The following ERC2 variants were observed in gnomAD, a reference collection of about 807,000 sequenced individuals.
ERC2 encodes ERC protein 2.
In ERC2, 42 loss-of-function variants were observed where a neutral mutation model predicts 114.8. The ratio of observed to expected loss-of-function variants is 0.37; its 90% confidence interval spans 0.29 to 0.47. The LOEUF (loss-of-function observed/expected upper bound fraction) is 0.47. Ranked by LOEUF, ERC2 falls within the 20% of genes least tolerant of loss-of-function variation. The pLI is 0.99. For synonymous variants in ERC2, 454 were observed against 425.5 expected (o/e 1.07, Z -0.82); for missense variants, 939 against 1,150.7 (o/e 0.82, Z 2.66).
At chr3:55,747,566 T>C (rs1456861147) in intron 14 of ERC2, among the ~76,000 whole-genome samples, 2 of 152,250 alleles carry the variant, frequency 1.3e-5, no homozygotes, top group East Asian at 3.8e-4. Flanking sequence ...ATAATAGTTC[T>C]GTGTTGGGAA....
chr3:56,018,735 C>A (rs2073489583), intron 8 of ERC2, among the ~76,000 whole-genome samples, 159 bp downstream of exon 8: 1 of 152,156 alleles, frequency 6.6e-6, no homozygotes, highest in Non-Finnish European at 1.5e-5. Flanking sequence ...ATGCCAAGTC[C>A]ACTGAAGAGG....
At chr3:56,447,777 C>G (rs1169778186) in intron 1 of ERC2, among the ~76,000 whole-genome samples, 2 of 151,736 alleles carry the variant, frequency 1.3e-5, no homozygotes, top group South Asian at 2.1e-4. Flanking sequence ...GAGTCTCGCT[C>G]TGCCACCCAG....
intron 2 of ERC2, among the ~76,000 whole-genome samples, chr3:56,296,894 T>C (rs1397382990): frequency 6.6e-6 from 1 of 152,130 alleles, no homozygotes; most frequent in African/African-American, 2.4e-5. Flanking sequence ...AATAATAGCA[T>C]CCACTACAAG....
intron 11 of ERC2, among the ~76,000 whole-genome samples, chr3:55,990,719 A>T (rs2070996181): frequency 6.6e-6 from 1 of 152,158 alleles, no homozygotes; most frequent in South Asian, 2.1e-4. Context: ...TCTGGCCTTG[A>T]TAATTTATTT....
intron 14 of ERC2, among the ~76,000 whole-genome samples, chr3:55,827,644 G>A (rs892121088): frequency 6.6e-6 from 1 of 152,168 alleles, no homozygotes; most frequent in Non-Finnish European, 1.5e-5. Context: ...TGTAAATCAA[G>A]TTGTTGTTTG....
At chr3:55,717,405 C>A (rs2064187224) in intron 15 of ERC2, among the ~76,000 whole-genome samples, 1 of 152,148 alleles carries the variant, frequency 6.6e-6, no homozygotes, top group Admixed American at 6.5e-5. Flanking sequence ...CTTAGCATGT[C>A]CCTGCCAAGG....
chr3:55,846,681 CTCTCTCTCTCTT>C (rs1381705227), intron 14 of ERC2, among the ~76,000 whole-genome samples: 1 of 130,388 alleles, frequency 7.7e-6, no homozygotes, highest in African/African-American at 3.3e-5. Flanking sequence ...CTCTCTCTCT[CTCTCTCTCTCTT>C]TCTCTCTCTC....
intron 2 of ERC2, among the ~76,000 whole-genome samples, chr3:56,337,425 C>T (rs1168200798): frequency 3.9e-5 from 6 of 152,170 alleles, no homozygotes; most frequent in Admixed American, 3.3e-4. Context: ...GGGTATGTAA[C>T]CGTAAGTACT....
intron 17 of ERC2, among the ~76,000 whole-genome samples, chr3:55,666,651 C>T (rs2061366723): frequency 6.6e-6 from 1 of 152,056 alleles, no homozygotes; most frequent in Non-Finnish European, 1.5e-5. Context: ...GGTGGGGTGG[C>T]AGGGATGCTA....
At position 55,601,267 on chromosome 3, in the gene ERC2, G is replaced by A. The variant is rs142441197; in HGVS notation, c.*39+82527C>T. On this transcript the variant is annotated intron_variant, in intron 17 of 17. Coordinates refer to ENST00000288221, the MANE Select transcript of ERC2 (RefSeq NM_015576.3). The stretch of plus-strand genomic sequence containing the variant: ...TGGAACACTCTGAGCCAAACAAAAT[G>A]CCATCTAGGCAGAACTGGCTTATAA... Among the ~76,000 whole-genome samples, 267 of 152,228 alleles carry A rather than the reference G, an allele frequency of 1.8e-3. 2 individuals are homozygous for A. The highest frequency in any genetic ancestry group is 6.2e-3 in the African/African-American group (258 of 41,522).
intron 3 of ERC2, among the ~76,000 whole-genome samples, chr3:56,236,260 C>G (rs2050937794): frequency 6.7e-6 from 1 of 148,702 alleles, no homozygotes; most frequent in African/African-American, 2.4e-5. Context: ...TTTGGAGCTT[C>G]AAATAACATT....
intron 16 of ERC2, among the ~76,000 whole-genome samples, chr3:55,689,600 C>T (rs2062527292): frequency 6.6e-6 from 1 of 152,086 alleles, no homozygotes; most frequent in Admixed American, 6.6e-5. Flanking sequence ...TTTAACATGA[C>T]TCTGGTTCTG....
chr3:56,360,315 T>C (rs1401677461), intron 2 of ERC2, among the ~76,000 whole-genome samples: 1 of 152,040 alleles, frequency 6.6e-6, no homozygotes, highest in East Asian at 1.9e-4. Flanking sequence ...ATTACAAGCA[T>C]GAGCCACCAT....
intron 17 of ERC2, among the ~76,000 whole-genome samples, chr3:55,518,991 C>T (rs1279821108): frequency 6.6e-6 from 1 of 152,190 alleles, no homozygotes; most frequent in Non-Finnish European, 1.5e-5. Context: ...GGAATCTTTG[C>T]GGGTGCCACT....
intron 17 of ERC2, among the ~76,000 whole-genome samples, chr3:55,649,913 C>T (rs1035094221): frequency 4.6e-5 from 7 of 152,274 alleles, no homozygotes; most frequent in East Asian, 1.9e-4. Flanking sequence ...TTTAAATCCA[C>T]GTCGCTGGAA....
In ERC2 at chr3:55,980,794, A is replaced by AT. The variant is rs2070066655; in HGVS notation, c.2267+5182dup. ...AATGATTAACTCTTACCGACTTGGTATCTCTTATTCTGGGTCATGACTTAT... is the reference window on the plus strand; with the variant it reads ...AATGATTAACTCTTACCGACTTGGTATTCTCTTATTCTGGGTCATGACTTAT... On this transcript the variant is annotated intron_variant, in intron 12 of 17. Transcript: ENST00000288221. Among the ~76,000 whole-genome samples, 4 of 152,116 alleles carry AT rather than the reference A, an allele frequency of 2.6e-5. No homozygotes were observed. The South Asian group carries it at 8.3e-4, about 32-fold the overall frequency.
chr3:56,348,364 T>G lies in ERC2; in HGVS notation c.658-51929A>C, dbSNP rs559353547. 1.4e-3 allele frequency among the ~76,000 whole-genome samples: 219 copies of G among 152,220 alleles called. 3 individuals are homozygous for G. Among genetic ancestry groups the G allele is most frequent in the African/African-American group, 4.8e-3 (200 of 41,548 alleles). The stretch of plus-strand genomic sequence containing the variant: ...TCATATCTTGATTGCATACTGCAAC[T>G]ACATTCAGCCTCAAAGTCAGAGAGA... On this transcript the variant is annotated intron_variant, in intron 2 of 17. Coordinates refer to ENST00000288221, the MANE Select transcript of ERC2 (RefSeq NM_015576.3).
chr3:56,003,418 G>C (rs2072234517), intron 10 of ERC2, among the ~76,000 whole-genome samples: 1 of 152,108 alleles, frequency 6.6e-6, no homozygotes, highest in African/African-American at 2.4e-5. Context: ...AAAGAAAGCT[G>C]TCCACTTTTG....
At chr3:55,549,034 C>A (rs990923934) in intron 17 of ERC2, among the ~76,000 whole-genome samples, 1 of 152,188 alleles carries the variant, frequency 6.6e-6, no homozygotes, top group African/African-American at 2.4e-5. Flanking sequence ...AAACAAAATG[C>A]ATCTGTTGAT....
Sources: gnomAD v4.1 joint callset for allele counts (sites outside exome capture counted in the v4.1 genomes callset) on GRCh38, gnomAD v4.1.1 for gene constraint, MANE v1.5 for transcripts, NCBI Gene and HGNC (gene_info 2026-07-23, HGNC 2026-07-21) for gene names.